The following SPAG6 variants were observed in gnomAD, a reference collection of about 807,000 sequenced individuals.
The protein encoded by SPAG6 is sperm associated antigen 6, also known as sperm-associated antigen 6.
A neutral mutation model predicts 58.5 loss-of-function variants in SPAG6; 49 were observed. The observed-to-expected ratio is 0.84, with a 90% CI of 0.67 to 1.06. The LOEUF (loss-of-function observed/expected upper bound fraction) is 1.06. Among genes scored for constraint, SPAG6 ranks in the 50% least tolerant of loss-of-function variants. The pLI, the probability that SPAG6 is intolerant of heterozygous loss-of-function variation, is 0.00. For missense variants in SPAG6, 560 were observed against 611.3 expected, an observed-to-expected ratio of 0.92 and a Z score of 0.89; for synonymous variants, 233 against 225.6, an observed-to-expected ratio of 1.03 and a Z score of -0.29.
intron 4 of SPAG6, among the ~76,000 whole-genome samples, chr10:22,383,307 T>G (rs1833998474): frequency 6.6e-6 from 1 of 152,222 alleles, no homozygotes; most frequent in Non-Finnish European, 1.5e-5. Flanking sequence ...TGCAGAGTTT[T>G]GTATGTGTTT....
At position 22,368,646 on chromosome 10, in the gene SPAG6, G is replaced by C. The variant is rs1312061060; in HGVS notation, c.440G>C (p.Trp147Ser). 2 of 1,613,510 alleles carry C rather than the reference G, an allele frequency of 1.2e-6. No homozygotes were observed. Among genetic ancestry groups the C allele is most frequent in the Non-Finnish European group, 1.7e-6 (2 of 1,179,826 alleles). The change falls in exon 4 of 11, where the codon TGG (tryptophan) becomes TCG (serine). Residue 147 changes from tryptophan (W) to serine (S), a missense_variant. Coordinates refer to ENST00000376624, the MANE Select transcript of SPAG6 (RefSeq NM_012443.4). ...CCTGGAGTCAAGGAGGCTGCAGCCT[G>C]GGCACTTAGATATATTGCAAGACAT... ...FDPGVKEAAA[W>S]ALRYIARHNA...
At chr10:22,392,741 C>G (rs556535792) in intron 8 of SPAG6, among the ~76,000 whole-genome samples, 39 of 152,058 alleles carry the variant, frequency 2.6e-4, no homozygotes, top group South Asian at 8.3e-4. Flanking sequence ...TGAAACTTAA[C>G]TTTAGATGGC....
In SPAG6 at chr10:22,345,622, G is replaced by T; in HGVS notation, c.11G>T (p.Arg4Met). The T allele has an allele frequency of 6.5e-7, 1 of 1,537,502 alleles. No individual in the cohort carries two copies. The highest frequency in any genetic ancestry group is 8.7e-7 in the Non-Finnish European group (1 of 1,143,360). Residue 4 changes from arginine to methionine, a missense_variant, in exon 1 of 11, where the codon AGG becomes ATG. Arg to Met is a moderately conservative substitution (Grantham distance 91). Coordinates refer to ENST00000376624, the MANE Select transcript of SPAG6 (RefSeq NM_012443.4). The surrounding 1 kb of genome is among the most constrained non-coding windows in gnomAD (Gnocchi z 6.3). ...GGCGGCGGGGGCGCCATGAGTCAGAGGCAGGTGCTGCAAGGTAGGGCCGAG... is the reference window on the plus strand; with the variant it reads ...GGCGGCGGGGGCGCCATGAGTCAGATGCAGGTGCTGCAAGGTAGGGCCGAG... Reference protein sequence around the residue: MSQRQVLQVFEQYQ... With the variant: MSQMQVLQVFEQYQ...
intron 8 of SPAG6, among the ~76,000 whole-genome samples, chr10:22,393,994 T>C (rs931696076): frequency 2.6e-5 from 4 of 152,206 alleles, no homozygotes; most frequent in African/African-American, 9.7e-5. Context: ...TTGGTTTCCA[T>C]GCAGGAGAAC....
At chr10:22,352,176 T>G (rs1466132626) in intron 2 of SPAG6, among the ~76,000 whole-genome samples, 1 of 151,806 alleles carries the variant, frequency 6.6e-6, no homozygotes, top group Non-Finnish European at 1.5e-5. Context: ...AAAAAAGTCA[T>G]GCTGAAAACA....
intron 8 of SPAG6, among the ~76,000 whole-genome samples, chr10:22,399,846 C>T (rs1018739433): frequency 6.6e-6 from 1 of 152,126 alleles, no homozygotes; most frequent in African/African-American, 2.4e-5. Context: ...AAGATTATCA[C>T]GATTTAAGAT....
At chr10:22,399,039 G>A (rs1000492693) in intron 8 of SPAG6, among the ~76,000 whole-genome samples, 16 of 152,124 alleles carry the variant, frequency 1.1e-4, no homozygotes, top group African/African-American at 3.9e-4. Flanking sequence ...GGCTGGTCTC[G>A]AACTCCTGAC....
intron 8 of SPAG6, among the ~76,000 whole-genome samples, chr10:22,397,016 T>A (rs1250912596): frequency 6.6e-6 from 1 of 152,184 alleles, no homozygotes; most frequent in African/African-American, 2.4e-5. Context: ...CTGAACTAGG[T>A]AAATAGGAGA....
chr10:22,413,335 C>T (rs1335372194), intron 10 of SPAG6, among the ~76,000 whole-genome samples: 1 of 151,866 alleles, frequency 6.6e-6, no homozygotes, highest in Non-Finnish European at 1.5e-5. Flanking sequence ...AGATCGAGAC[C>T]GTCCTGGCTA....
intron 2 of SPAG6, 130 bp from the exon 3 acceptor site, chr10:22,364,723 G>C: frequency 1.6e-6 from 1 of 620,930 alleles, no homozygotes; most frequent in Non-Finnish European, 2.7e-6. Context: ...ATTTCCATTA[G>C]TTTATGGTGA....
At chr10:22,394,100 A>G (rs1466962006) in intron 8 of SPAG6, among the ~76,000 whole-genome samples, 3 of 152,160 alleles carry the variant, frequency 2.0e-5, no homozygotes, top group African/African-American at 7.2e-5. Context: ...TTATCTTTTT[A>G]TTATTGAATT....
Position 22,389,235 on chromosome 10 carries a change from C to G in SPAG6, c.928C>G (p.Arg310Gly). The change falls in exon 7 of 11, where the codon CGG becomes GGG. Residue 310 changes from arginine (R) to glycine (G), a missense_variant. Arg to Gly is a moderately radical substitution (Grantham distance 125). Transcript: ENST00000376624. ...CATTGGGTCCTGCAAAGGGAACACA[C>G]GGCTGCCTGGCATCATGATGCTTGG... ...DCIGSCKGNT[R>G]LPGIMMLGYV... 6.2e-7 allele frequency: 1 copy of G among 1,613,156 alleles called. No homozygotes were observed. Among genetic ancestry groups the G allele is most frequent in the South Asian group, 1.1e-5 (1 of 91,046 alleles).
intron 2 of SPAG6, among the ~76,000 whole-genome samples, chr10:22,364,562 C>T (rs1837139764): frequency 6.6e-6 from 1 of 152,178 alleles, no homozygotes; most frequent in African/African-American, 2.4e-5. Flanking sequence ...CTGCATGCCT[C>T]ATAATTAACC....
chr10:22,416,151 C>G (rs1432606958), intron 10 of SPAG6, among the ~76,000 whole-genome samples: 1 of 151,116 alleles, frequency 6.6e-6, no homozygotes, highest in Non-Finnish European at 1.5e-5. Context: ...TTTTGTTTTC[C>G]TAGGTGACCA....
intron 4 of SPAG6, among the ~76,000 whole-genome samples, chr10:22,380,223 G>T (rs1384977689): frequency 6.6e-6 from 1 of 152,178 alleles, no homozygotes; most frequent in African/African-American, 2.4e-5. Flanking sequence ...AAATTTGGTT[G>T]AATGGGATGA....
intron 10 of SPAG6, among the ~76,000 whole-genome samples, chr10:22,413,361 G>A (rs1239739208): frequency 6.6e-6 from 1 of 151,822 alleles, no homozygotes; most frequent in Non-Finnish European, 1.5e-5. Flanking sequence ...GTGAAACCCC[G>A]TCTCTACTAA....
intron 4 of SPAG6, 66 bp downstream of exon 4, chr10:22,368,744 A>G (rs1018324510): frequency 1.5e-6 from 2 of 1,329,352 alleles, no homozygotes; most frequent in East Asian, 2.4e-5. Context: ...TATTAGGTAA[A>G]TCCAGTTTTG....
rs201898133 is a variant in SPAG6 at position 22,353,453 on chromosome 10, G to C, written c.121+7635G>C. ...AGGAAACAGTTTGAATGACCCACTTGAGTTCCTTAAAACTTTATGAATTTA... is the reference window on the plus strand; with the variant it reads ...AGGAAACAGTTTGAATGACCCACTTCAGTTCCTTAAAACTTTATGAATTTA... On this transcript the variant is annotated intron_variant, in intron 2 of 10. Coordinates refer to ENST00000376624, the MANE Select transcript of SPAG6 (RefSeq NM_012443.4). Among the ~76,000 whole-genome samples the C allele has an allele frequency of 3.3e-5, 5 of 152,360 alleles. No homozygotes were observed. In the East Asian group the frequency reaches 7.7e-4, roughly 23 times the overall value.
chr10:22,382,395 T>A (rs1303682850), intron 4 of SPAG6, among the ~76,000 whole-genome samples: 1 of 152,206 alleles, frequency 6.6e-6, no homozygotes, highest in Non-Finnish European at 1.5e-5. Context: ...TGCTATTGGA[T>A]AGTTTCCTCT....
Sources: gnomAD v4.1 joint callset for allele counts (sites outside exome capture counted in the v4.1 genomes callset) on GRCh38, gnomAD v4.1.1 for gene constraint, Gnocchi (gnomAD v3.1) non-coding constraint, MANE v1.5 for transcripts, NCBI Gene and HGNC (gene_info 2026-07-23, HGNC 2026-07-21) for gene names.